The following STK39 variants were observed in gnomAD, a reference collection of about 807,000 sequenced individuals.
STK39 encodes STE20/SPS1-related proline-alanine-rich protein kinase.
In STK39, 20 loss-of-function variants were observed where a neutral mutation model predicts 77.8. The ratio of observed to expected loss-of-function variants is 0.26; its 90% CI spans 0.18 to 0.37. STK39 has a LOEUF of 0.37. Ranked by LOEUF, STK39 falls within the 10% of genes least tolerant of loss-of-function variation. The probability of loss-of-function intolerance (pLI) is 1.00; values close to 1 mark genes in which losing one functional copy is unlikely to be tolerated. For synonymous variants in STK39, 246 were observed against 234.1 expected (o/e 1.05, Z -0.47); for missense variants, 479 against 656.5 (o/e 0.73, Z 2.95).
intron 1 of STK39, among the ~76,000 whole-genome samples, chr2:168,222,066 T>C (rs1690186349): frequency 6.6e-6 from 1 of 152,300 alleles, no homozygotes; most frequent in Non-Finnish European, 1.5e-5. Context: ...TAGAGTAGTG[T>C]ATTTGCATCT....
intron 16 of STK39, among the ~76,000 whole-genome samples, chr2:167,971,508 A>G (rs1692344815): frequency 6.6e-6 from 1 of 152,244 alleles, no homozygotes; most frequent in African/African-American, 2.4e-5. Flanking sequence ...ACCCAAGAGA[A>G]AAGCCAATAT....
chr2:168,071,697 G>A (rs953366656), intron 12 of STK39, among the ~76,000 whole-genome samples: 4 of 151,952 alleles, frequency 2.6e-5, no homozygotes, highest in Non-Finnish European at 4.4e-5. Context: ...GTGAAACCCT[G>A]TCTCTACTAA....
intron 16 of STK39, among the ~76,000 whole-genome samples, chr2:167,971,023 CT>C (rs1475064728): frequency 6.6e-6 from 1 of 152,150 alleles, no homozygotes; most frequent in Non-Finnish European, 1.5e-5. Context: ...TGAAGTTTTT[CT>C]TTTGACAGAT....
At chr2:168,118,619 A>AAC (rs1687320709) in intron 10 of STK39, among the ~76,000 whole-genome samples, 1 of 133,884 alleles carries the variant, frequency 7.5e-6, no homozygotes, top group South Asian at 2.5e-4. Context: ...AAAAAAAAAA[A>AAC]AAAACAACAA....
chr2:168,162,981 C>T (rs1302184815), intron 4 of STK39, among the ~76,000 whole-genome samples: 3 of 150,678 alleles, frequency 2.0e-5, no homozygotes, highest in Non-Finnish European at 4.4e-5. Context: ...GAGCTGAGAT[C>T]ACACCATTGC....
intron 1 of STK39, among the ~76,000 whole-genome samples, chr2:168,244,452 G>C (rs1431242522): frequency 6.6e-6 from 1 of 152,204 alleles, no homozygotes; most frequent in Non-Finnish European, 1.5e-5. Flanking sequence ...GCCTCCTGCT[G>C]CTGGTCACGG....
intron 1 of STK39, among the ~76,000 whole-genome samples, chr2:168,235,304 C>CT (rs1362981938): frequency 6.6e-6 from 1 of 151,908 alleles, no homozygotes; most frequent in African/African-American, 2.4e-5. Context: ...TCCTGAAGTG[C>CT]TGGGACTACA....
rs1687627682 is a variant in STK39 at position 168,129,575 on chromosome 2, G to A, written c.1055C>T (p.Thr352Ile). The A allele has an allele frequency of 2.5e-6, 4 of 1,614,028 alleles. No homozygotes were observed. The highest frequency in any genetic ancestry group is 3.4e-6 in the Non-Finnish European group (4 of 1,179,940). ...TCTTTGGGCTATGTCTGGTGTTCTT[G>A]TAAGCAGCTTCTCAATCAGGTACTC... is the stretch of plus-strand genomic sequence containing the variant. ...NREYLIEKLL[T>I]RTPDIAQRAK... The change falls in exon 10 of 18, where the codon ACA becomes ATA. Residue 352 changes from threonine (T) to isoleucine (I), a missense_variant. Thr to Ile is a moderately conservative substitution (Grantham distance 89). Coordinates refer to ENST00000355999, the MANE Select transcript of STK39 (RefSeq NM_013233.3).
At chr2:168,037,847 TC>T (rs1454804228) in intron 14 of STK39, among the ~76,000 whole-genome samples, 1 of 152,158 alleles carries the variant, frequency 6.6e-6, no homozygotes, top group East Asian at 1.9e-4. Context: ...TTTTCAAATT[TC>T]CTCTGATGAA....
At chr2:168,109,761 T>C (rs1687073251) in intron 10 of STK39, among the ~76,000 whole-genome samples, 2 of 152,220 alleles carry the variant, frequency 1.3e-5, no homozygotes, top group Admixed American at 6.5e-5. Flanking sequence ...GCTGATCAAT[T>C]AGGGGTAAAA....
chr2:167,971,498 A>C (rs1299226723), intron 16 of STK39, among the ~76,000 whole-genome samples: 1 of 152,174 alleles, frequency 6.6e-6, no homozygotes, highest in Non-Finnish European at 1.5e-5. Flanking sequence ...AATCAAGGGA[A>C]CCCAAGAGAA....
chr2:167,964,082 G>A (rs1692078139), intron 17 of STK39, among the ~76,000 whole-genome samples: 1 of 152,058 alleles, frequency 6.6e-6, no homozygotes, highest in African/African-American at 2.4e-5. Context: ...GTATCTCTGT[G>A]GCCACCTAGT....
chr2:168,085,390 C>G (rs1341160769), intron 10 of STK39, among the ~76,000 whole-genome samples: 1 of 152,196 alleles, frequency 6.6e-6, no homozygotes, highest in Non-Finnish European at 1.5e-5. Context: ...CCGTTTTCCC[C>G]CTTTTGGGCA....
intron 14 of STK39, among the ~76,000 whole-genome samples, chr2:168,047,474 T>C (rs937607526): frequency 6.6e-6 from 1 of 152,224 alleles, no homozygotes; most frequent in Non-Finnish European, 1.5e-5. Flanking sequence ...CATCAGCTTT[T>C]TGACTGAGCT....
intron 1 of STK39, among the ~76,000 whole-genome samples, chr2:168,214,538 T>G (rs1689977887): frequency 6.6e-6 from 1 of 152,146 alleles, no homozygotes; most frequent in Non-Finnish European, 1.5e-5. Flanking sequence ...GGAAATGTTT[T>G]GGAACTAGAC....
chr2:168,147,679 A>ATAATCCTTCCC (rs1312074618), intron 5 of STK39, among the ~76,000 whole-genome samples: 3 of 152,172 alleles, frequency 2.0e-5, no homozygotes, highest in Non-Finnish European at 4.4e-5. Context: ...CTGGCCTTGC[A>ATAATCCTTCCC]GTGAGAGCTA....
intron 1 of STK39, among the ~76,000 whole-genome samples, chr2:168,221,680 G>A (rs1437976304): frequency 1.3e-5 from 2 of 152,120 alleles, no homozygotes; most frequent in Non-Finnish European, 1.5e-5. Context: ...TTACCTCAAA[G>A]GGTATAATCA....
intron 10 of STK39, among the ~76,000 whole-genome samples, chr2:168,104,641 TTCCAGGGCCAC>T (rs1553524302): frequency 1.3e-5 from 2 of 152,190 alleles, no homozygotes; most frequent in Non-Finnish European, 2.9e-5. Context: ...ACATCATGTT[TTCCAGGGCCAC>T]TAATTAGGGC....
intron 16 of STK39, among the ~76,000 whole-genome samples, chr2:167,980,618 C>T (rs560356383): frequency 3.3e-5 from 5 of 152,186 alleles, no homozygotes; most frequent in Non-Finnish European, 7.3e-5. Flanking sequence ...GCCCAGCACA[C>T]GGTGGCAGTC....
Sources: allele counts gnomAD v4.1 joint callset (sites outside exome capture counted in the v4.1 genomes callset), GRCh38; gene constraint gnomAD v4.1.1; transcripts MANE v1.5; gene names NCBI Gene and HGNC (gene_info 2026-07-23, HGNC 2026-07-21).